The following CEP85L variants were observed in gnomAD, a reference collection of about 807,000 sequenced individuals.
CEP85L encodes the protein centrosomal protein 85L.
A neutral mutation model predicts 100.3 loss-of-function variants in CEP85L; 60 were observed. That is an observed-to-expected ratio of 0.60 (90% CI 0.49 to 0.74). CEP85L has a LOEUF of 0.74. Ranked by LOEUF, CEP85L falls within the 30% of genes least tolerant of loss-of-function variation. The pLI, the probability that CEP85L is intolerant of heterozygous loss-of-function variation, is 0.00. For synonymous variants in CEP85L, 319 were observed against 322.7 expected (o/e 0.99, Z 0.12); for missense variants, 973 against 936.2 (o/e 1.04, Z -0.51).
intron 6 of CEP85L, among the ~76,000 whole-genome samples, chr6:118,488,545 C>T (rs1774343887): frequency 6.6e-6 from 1 of 151,868 alleles, no homozygotes; most frequent in African/African-American, 2.4e-5. Flanking sequence ...TTAAAAAACA[C>T]CATTAAGCGG....
chr6:118,476,139 C>T lies in CEP85L; in HGVS notation c.1914+3732G>A, dbSNP rs192546080. The stretch of plus-strand genomic sequence containing the variant: ...TCTTCACTCGTACAACTCCCCCCCG[C>T]GACATAACTGATTTTTCAAGTTAAA... On this transcript the variant is annotated intron_variant, in intron 10 of 12. Transcript: ENST00000368491. 3.5e-3 allele frequency among the ~76,000 whole-genome samples: 529 copies of T among 152,220 alleles called. 3 individuals carry two copies. Among genetic ancestry groups the T allele is most frequent in the South Asian group, 7.9e-3 (38 of 4,810 alleles).
intron 2 of CEP85L, among the ~76,000 whole-genome samples, chr6:118,618,670 A>C (rs1013136785): frequency 2.6e-5 from 4 of 152,172 alleles, no homozygotes; most frequent in Admixed American, 1.3e-4. Flanking sequence ...CCACCTTAAG[A>C]TGGGGGCTTA....
intron 1 of CEP85L, among the ~76,000 whole-genome samples, chr6:118,680,351 T>C (rs1321154437): frequency 3.7e-5 from 5 of 133,736 alleles, no homozygotes; most frequent in Admixed American, 2.9e-4. Flanking sequence ...ATTTTCTTCT[T>C]ATTAAAAAAA....
intron 2 of CEP85L, among the ~76,000 whole-genome samples, chr6:118,579,153 C>T (rs1350430862): frequency 2.6e-5 from 4 of 152,110 alleles, no homozygotes; most frequent in African/African-American, 9.7e-5. Context: ...GCCTTGGCTT[C>T]CCATAGTGTT....
chr6:118,561,688 AT>A (rs1779232573), intron 3 of CEP85L, among the ~76,000 whole-genome samples: 1 of 152,148 alleles, frequency 6.6e-6, no homozygotes, highest in Non-Finnish European at 1.5e-5. Flanking sequence ...CAGAATCACT[AT>A]ATTAAAATGA....
intron 1 of CEP85L, among the ~76,000 whole-genome samples, chr6:118,649,396 T>C (rs1348009918): frequency 1.3e-5 from 2 of 152,220 alleles, no homozygotes; most frequent in South Asian, 2.1e-4. Context: ...CAAATGTCTC[T>C]CTAGAGGCTG....
At chr6:118,573,552 CAT>C (rs767972879) in intron 2 of CEP85L, among the ~76,000 whole-genome samples, 28 of 152,204 alleles carry the variant, frequency 1.8e-4, no homozygotes, top group Middle Eastern at 3.4e-3. Context: ...CAATATCTAA[CAT>C]GTGGTTAAAA....
chr6:118,651,696 G>T, upstream of CEP85L: 2 of 657,792 alleles, frequency 3.0e-6, no homozygotes, highest in Non-Finnish European at 3.7e-6. Flanking sequence ...GGCGGGGACT[G>T]CGGGGGGCGG....
chr6:118,689,587 A>G (rs1776962662), intron 1 of CEP85L, among the ~76,000 whole-genome samples: 1 of 152,218 alleles, frequency 6.6e-6, no homozygotes, highest in African/African-American at 2.4e-5. Context: ...CTACAGTGCT[A>G]AAATAAATAA....
chr6:118,513,921 CA>C (rs1001064584), intron 4 of CEP85L, among the ~76,000 whole-genome samples: 23 of 149,542 alleles, frequency 1.5e-4, no homozygotes, highest in African/African-American at 5.4e-4. Context: ...TTGTTTGAGG[CA>C]AAAAAAAATT....
intron 2 of CEP85L, among the ~76,000 whole-genome samples, chr6:118,607,519 A>G (rs1772309118): frequency 6.6e-6 from 1 of 152,172 alleles, no homozygotes; most frequent in African/African-American, 2.4e-5. Flanking sequence ...CAGCCATAGC[A>G]AAGAGTGCAA....
chr6:118,565,518 T>G lies in CEP85L; in HGVS notation c.1020+11A>C. 6.2e-7 allele frequency: 1 copy of G among 1,613,506 alleles called. No individual in the cohort carries two copies. The highest frequency in any genetic ancestry group is 1.1e-5 in the South Asian group (1 of 91,032). ...ACTGGAGGGAAGCAAACACTAGATT[T>G]TGCACCTTACCTGCATTGGTGTTTC... is the stretch of plus-strand genomic sequence containing the variant. On this transcript the variant is annotated intron_variant, in intron 3 of 12. Coordinates refer to ENST00000368491, the MANE Select transcript of CEP85L (RefSeq NM_001042475.3).
chr6:118,613,908 C>G (rs1051398556), intron 2 of CEP85L, among the ~76,000 whole-genome samples: 22 of 152,020 alleles, frequency 1.4e-4, no homozygotes, highest in Non-Finnish European at 1.3e-4. Context: ...TAGTATTAAC[C>G]CTGATATCCA....
At chr6:118,606,531 T>C (rs904278291) in intron 2 of CEP85L, among the ~76,000 whole-genome samples, 10 of 152,230 alleles carry the variant, frequency 6.6e-5, no homozygotes, top group Non-Finnish European at 1.3e-4. Flanking sequence ...AACTATTTAA[T>C]ATGATTTTTA....
At chr6:118,635,782 G>A (rs762114383) in intron 1 of CEP85L, among the ~76,000 whole-genome samples, 6 of 151,946 alleles carry the variant, frequency 3.9e-5, no homozygotes, top group Non-Finnish European at 7.4e-5. Context: ...GACAAGTCTT[G>A]GCCAATAAAC....
Position 118,565,793 on chromosome 6 carries a change from T to C in CEP85L, c.756A>G (p.Val252=). 6.2e-7 allele frequency: 1 copy of C among 1,614,214 alleles called. No homozygotes were observed. Among genetic ancestry groups the C allele is most frequent in the Non-Finnish European group, 8.5e-7 (1 of 1,180,028 alleles). Residue 252 remains valine, a synonymous_variant, in exon 3 of 13, where the codon GTA becomes GTG. Coordinates refer to ENST00000368491, the MANE Select transcript of CEP85L (RefSeq NM_001042475.3). ...ASSSTLRRQP[V]DMTYSALPES... ...CAGGTAAGGCACTATATGTCATGTC[T>C]ACAGGCTGTCTCCTAAGAGTAGAGG... is the stretch of plus-strand genomic sequence containing the variant.
chr6:118,539,669 T>C (rs1233970444), intron 3 of CEP85L, among the ~76,000 whole-genome samples: 3 of 152,124 alleles, frequency 2.0e-5, no homozygotes, highest in African/African-American at 4.8e-5. Context: ...ACCTGTGCCA[T>C]GGTGGTTTGC....
At chr6:118,559,540 A>T (rs1779104597) in intron 3 of CEP85L, 1 of 194,898 alleles carries the variant, frequency 5.1e-6, no homozygotes, top group African/African-American at 2.4e-5. Flanking sequence ...AATAACACAA[A>T]TGAAGTGTCA....
intron 2 of CEP85L, among the ~76,000 whole-genome samples, chr6:118,573,461 G>GA (rs1780029299): frequency 6.6e-6 from 1 of 152,012 alleles, no homozygotes; most frequent in African/African-American, 2.4e-5. Context: ...ATTCTGAGTT[G>GA]AAAAAAGGAA....
Sources: allele counts gnomAD v4.1 joint callset (sites outside exome capture counted in the v4.1 genomes callset), GRCh38; gene constraint gnomAD v4.1.1; transcripts MANE v1.5; gene names NCBI Gene and HGNC (gene_info 2026-07-23, HGNC 2026-07-21).